Variants in PPP1R12B observed in about 807,000 individuals in gnomAD.
PPP1R12B encodes the protein myosin phosphatase target subunit 2.
A neutral mutation model predicts 126.1 loss-of-function variants in PPP1R12B; 76 were observed. The ratio of observed to expected loss-of-function variants is 0.60; its 90% CI spans 0.50 to 0.73. The LOEUF (loss-of-function observed/expected upper bound fraction) is 0.73, where lower values mean the gene tolerates loss of function less well. Among genes scored for constraint, PPP1R12B ranks in the 30% least tolerant of loss-of-function variants. The pLI is 0.00. For missense variants in PPP1R12B, 1,052 were observed against 1,205.1 expected (o/e 0.87, Z 1.88); for synonymous variants, 356 against 434.7 (o/e 0.82, Z 2.25).
At chr1:202,578,852 T>C (rs1401327746) in intron 23 of PPP1R12B, among the ~76,000 whole-genome samples, 1 of 152,226 alleles carries the variant, frequency 6.6e-6, no homozygotes, top group African/African-American at 2.4e-5. Flanking sequence ...AATAGATCAC[T>C]AGTGACAAAG....
At position 202,430,742 on chromosome 1, in the gene PPP1R12B, A is replaced by G; in HGVS notation, c.933A>G (p.Glu311=). Residue 311 remains glutamate, a synonymous_variant, in exon 7 of 24, where the codon GAA becomes GAG. Coordinates refer to ENST00000608999, the MANE Select transcript of PPP1R12B (RefSeq NM_002481.4). ...LQKKQNVLRS[E]KETRNKLIES... ...TTCTCCATTTCCAGCTTCGAAGTGA[A>G]AAGGAGACACGGAATAAACTCATTG... The G allele has an allele frequency of 1.2e-6, 2 of 1,612,580 alleles. No individual in the cohort carries two copies. The highest frequency in any genetic ancestry group is 1.7e-5 in the Admixed American group (1 of 59,910).
intron 18 of PPP1R12B, among the ~76,000 whole-genome samples, chr1:202,556,119 A>G (rs1171696170): frequency 6.6e-6 from 1 of 152,068 alleles, no homozygotes; most frequent in East Asian, 1.9e-4. Flanking sequence ...CAAGTGATCC[A>G]CCTGCCTCAG....
intron 1 of PPP1R12B, among the ~76,000 whole-genome samples, chr1:202,397,956 G>A (rs946977638): frequency 3.3e-5 from 5 of 152,110 alleles, no homozygotes; most frequent in African/African-American, 1.2e-4. Flanking sequence ...CTGTCGCCCA[G>A]GCTGGAGTGC....
rs912831270 is a variant in PPP1R12B, at chr1:202,361,395, G to A, written c.291+12253G>A. On this transcript the variant is annotated intron_variant, in intron 1 of 23. Transcript: ENST00000608999. ...CATGCAAAAGGCAAAGGGGAAGCAG[G>A]TGCATCACATAGAGCAGGAGAAAGA... Among the ~76,000 whole-genome samples, 11 of 152,302 alleles carry A rather than the reference G, an allele frequency of 7.2e-5. No individual in the cohort carries two copies. In the South Asian group the frequency reaches 2.3e-3, roughly 32 times the overall value.
intron 18 of PPP1R12B, among the ~76,000 whole-genome samples, chr1:202,552,505 G>A (rs6689671): frequency 0.032 from 4,850 of 152,262 alleles, 268 homozygotes; most frequent in African/African-American, 0.11. Flanking sequence ...TAGGTTTGCA[G>A]TACCTCTGAA....
In PPP1R12B at chr1:202,496,793, G is replaced by C. The variant is rs373730451; in HGVS notation, c.2461G>C (p.Asp821His). The C allele has an allele frequency of 1.2e-6, 2 of 1,612,264 alleles. No individual in the cohort carries two copies. Among genetic ancestry groups the C allele is most frequent in the African/African-American group, 2.7e-5 (2 of 74,880 alleles). ...TTTTCTTTTTTAGGAGGATGAAACT[G>C]ATGGCTCTGAAGAGGTCAAAGAAAC... ...NFWTKDEDET[D>H]GSEEVKETWH... Residue 821 changes from aspartate (D) to histidine (H), a missense_variant, in exon 18 of 24, where the codon GAT becomes CAT. Coordinates refer to ENST00000608999, the MANE Select transcript of PPP1R12B (RefSeq NM_002481.4).
chr1:202,549,420 C>CTT (rs1405753070), intron 18 of PPP1R12B, among the ~76,000 whole-genome samples: 34 of 140,040 alleles, frequency 2.4e-4, no homozygotes, highest in South Asian at 4.5e-4. Flanking sequence ...AATCAATTAC[C>CTT]TTTTTTTTTT....
intron 18 of PPP1R12B, among the ~76,000 whole-genome samples, chr1:202,537,520 G>A (rs1318913838): frequency 6.6e-6 from 1 of 152,202 alleles, no homozygotes; most frequent in Non-Finnish European, 1.5e-5. Context: ...AGGATCAGGT[G>A]AGATAATATA....
chr1:202,388,731 T>C (rs925823664), intron 1 of PPP1R12B, among the ~76,000 whole-genome samples: 1 of 152,174 alleles, frequency 6.6e-6, no homozygotes, highest in African/African-American at 2.4e-5. Context: ...TTTGCTATTA[T>C]TGTTTTTATT....
At chr1:202,372,244 C>G (rs751412665) in intron 1 of PPP1R12B, among the ~76,000 whole-genome samples, 2 of 152,048 alleles carry the variant, frequency 1.3e-5, no homozygotes, top group African/African-American at 2.4e-5. Flanking sequence ...TGGCTCTTAT[C>G]TGTAATCTTA....
intron 18 of PPP1R12B, among the ~76,000 whole-genome samples, chr1:202,505,113 A>G (rs1379128691): frequency 6.6e-6 from 1 of 152,202 alleles, no homozygotes; most frequent in Non-Finnish European, 1.5e-5. Context: ...CACATAACTG[A>G]AGAATTTTGA....
intron 12 of PPP1R12B, among the ~76,000 whole-genome samples, chr1:202,443,706 A>G: frequency 6.6e-6 from 1 of 152,332 alleles, no homozygotes; most frequent in South Asian, 2.1e-4. Flanking sequence ...ATTATTATTC[A>G]TTATAGTTGA....
At chr1:202,473,330 A>G (rs1676181181) in intron 13 of PPP1R12B, among the ~76,000 whole-genome samples, 1 of 152,194 alleles carries the variant, frequency 6.6e-6, no homozygotes, top group Non-Finnish European at 1.5e-5. Flanking sequence ...TTCTCTATCT[A>G]GGTTTAACCC....
intron 3 of PPP1R12B, among the ~76,000 whole-genome samples, chr1:202,423,057 G>A (rs1266118712): frequency 1.3e-5 from 2 of 152,196 alleles, no homozygotes; most frequent in Non-Finnish European, 2.9e-5. Context: ...TTGGGATACA[G>A]TGTAAATTTG....
At chr1:202,514,711 G>T (rs537412562) in intron 18 of PPP1R12B, among the ~76,000 whole-genome samples, 116 of 152,266 alleles carry the variant, frequency 7.6e-4, no homozygotes, top group Admixed American at 2.4e-3. Flanking sequence ...GTTTTTGTCA[G>T]CTTTGTCGAA....
In PPP1R12B at chr1:202,416,852, G is replaced by A. The variant is rs779460563; in HGVS notation, c.357G>A (p.Gln119=). ...TGGAGAACAGAGCCAATGTAAACCA[G>A]CAAGACAACGAGGGCTGGACACCCC... ...FLVENRANVN[Q]QDNEGWTPLH... The change falls in exon 2 of 24, where the codon CAG becomes CAA. Residue 119 remains glutamine (Q), a synonymous_variant. Coordinates refer to ENST00000608999, the MANE Select transcript of PPP1R12B (RefSeq NM_002481.4). 82 of 1,613,964 alleles carry A rather than the reference G, an allele frequency of 5.1e-5. No homozygotes were observed. Among genetic ancestry groups the A allele is most frequent in the Non-Finnish European group, 6.5e-5 (77 of 1,179,976 alleles).
intron 8 of PPP1R12B, among the ~76,000 whole-genome samples, chr1:202,433,319 G>A (rs1354542453): frequency 6.6e-6 from 1 of 152,090 alleles, no homozygotes; most frequent in Non-Finnish European, 1.5e-5. Context: ...CTGAACTATG[G>A]TCATTGCTTT....
intron 18 of PPP1R12B, among the ~76,000 whole-genome samples, chr1:202,516,849 C>T (rs1047214326): frequency 1.3e-5 from 2 of 152,180 alleles, no homozygotes; most frequent in African/African-American, 4.8e-5. Context: ...TATACTTCTG[C>T]TGCAAAGGAG....
chr1:202,536,349 G>A (rs1684526524), intron 18 of PPP1R12B, among the ~76,000 whole-genome samples: 1 of 152,164 alleles, frequency 6.6e-6, no homozygotes, highest in African/African-American at 2.4e-5. Context: ...ATTGAATATT[G>A]TAGAGCTGGA....
Sources: gnomAD v4.1 joint callset for allele counts (sites outside exome capture counted in the v4.1 genomes callset) on GRCh38, gnomAD v4.1.1 for gene constraint, MANE v1.5 for transcripts, NCBI Gene and HGNC (gene_info 2026-07-23, HGNC 2026-07-21) for gene names.